The following CSMD1 variants were observed in gnomAD, a reference collection of about 807,000 sequenced individuals.
The protein encoded by CSMD1 is CUB and sushi domain-containing protein 1.
A neutral mutation model predicts 417.5 loss-of-function variants in CSMD1; 213 were observed. The ratio of observed to expected loss-of-function variants is 0.51; its 90% CI spans 0.46 to 0.57. The LOEUF is 0.57. CSMD1 is among the 20% of genes least tolerant of loss of function. The pLI is 0.00. For missense variants in CSMD1, 6,923 were observed against 4,529.7 expected (o/e 1.53, Z -15.17); for synonymous variants, 2,862 against 1,736.8 (o/e 1.65, Z -16.11).
chr8:3,865,369 C>T (rs1354907254), intron 5 of CSMD1, among the ~76,000 whole-genome samples: 2 of 152,150 alleles, frequency 1.3e-5, no homozygotes, highest in Non-Finnish European at 2.9e-5. Context: ...ACTGGGTTTG[C>T]AACTGAACAC....
At chr8:4,853,364 C>T (rs558838809) in intron 1 of CSMD1, among the ~76,000 whole-genome samples, 1 of 152,214 alleles carries the variant, frequency 6.6e-6, no homozygotes, top group African/African-American at 2.4e-5. Flanking sequence ...ACTGCTCCAG[C>T]TCTATCCATG....
chr8:4,865,276 A>G (rs1473974227), intron 1 of CSMD1, among the ~76,000 whole-genome samples: 1 of 151,906 alleles, frequency 6.6e-6, no homozygotes, highest in Non-Finnish European at 1.5e-5. Flanking sequence ...ATCCTAAGAA[A>G]ATACTACATA....
chr8:4,174,593 G>A (rs891704940), intron 3 of CSMD1, among the ~76,000 whole-genome samples: 1 of 149,958 alleles, frequency 6.7e-6, no homozygotes, highest in Non-Finnish European at 1.5e-5. Context: ...GATACACAAT[G>A]TCTGAAGCCT....
chr8:3,560,020 T>A (rs1405428362), intron 10 of CSMD1, among the ~76,000 whole-genome samples: 1 of 152,054 alleles, frequency 6.6e-6, no homozygotes, highest in Non-Finnish European at 1.5e-5. Context: ...CGTAAGGGAT[T>A]TAGTGTGGAG....
chr8:4,579,119 G>A (rs1340346757), intron 2 of CSMD1, among the ~76,000 whole-genome samples: 7 of 151,862 alleles, frequency 4.6e-5, no homozygotes, highest in Admixed American at 6.6e-5. Flanking sequence ...AAAACATGCA[G>A]GAAGAGCAGT....
At chr8:3,888,419 T>A (rs1443971067) in intron 5 of CSMD1, among the ~76,000 whole-genome samples, 2 of 152,214 alleles carry the variant, frequency 1.3e-5, no homozygotes, top group Admixed American at 6.5e-5. Context: ...AACCTTTTTT[T>A]ACCTTAATGC....
chr8:4,297,772 G>T lies in CSMD1; in HGVS notation c.415+122181C>A, dbSNP rs147622888. 2.6e-3 allele frequency among the ~76,000 whole-genome samples: 396 copies of T among 152,262 alleles called. 2 individuals are homozygous for T. Among genetic ancestry groups the T allele is most frequent in the African/African-American group, 9.3e-3 (385 of 41,540 alleles). On this transcript the variant is annotated intron_variant, in intron 3 of 69. Transcript: ENST00000635120. Reference sequence around the variant, plus strand: ...ACGATTAAGAACCAACATCCTGTGAGAGGTGATACATTTCAAAAGGATTTT... The same window carrying T: ...ACGATTAAGAACCAACATCCTGTGATAGGTGATACATTTCAAAAGGATTTT...
intron 23 of CSMD1, among the ~76,000 whole-genome samples, chr8:3,318,691 G>A (rs1021354719): frequency 1.3e-5 from 2 of 152,168 alleles, no homozygotes; most frequent in African/African-American, 4.8e-5. Flanking sequence ...GAGTAAGAAA[G>A]CATTTGCTTT....
At chr8:4,457,875 T>C (rs925484454) in intron 2 of CSMD1, among the ~76,000 whole-genome samples, 2 of 152,106 alleles carry the variant, frequency 1.3e-5, no homozygotes, top group African/African-American at 4.8e-5. Context: ...CTGGGACAGC[T>C]TGATGCAGCA....
At chr8:3,015,533 C>T (rs761342449) in intron 52 of CSMD1, among the ~76,000 whole-genome samples, 24 of 151,818 alleles carry the variant, frequency 1.6e-4, no homozygotes, top group Non-Finnish European at 3.1e-4. Flanking sequence ...CTGAATAGTA[C>T]TTATGAATAC....
chr8:4,420,994 T>C (rs1474966951), intron 2 of CSMD1, among the ~76,000 whole-genome samples: 1 of 152,178 alleles, frequency 6.6e-6, no homozygotes, highest in Non-Finnish European at 1.5e-5. Context: ...TTCATCTTTG[T>C]AAACTGCAGT....
At chr8:4,529,884 TTAAATTTA>T (rs1563260005) in intron 2 of CSMD1, among the ~76,000 whole-genome samples, 2 of 136,212 alleles carry the variant, frequency 1.5e-5, no homozygotes, top group Non-Finnish European at 3.1e-5. Flanking sequence ...TTTTTTTTTT[TTAAATTTA>T]TTTAATTTTT....
intron 3 of CSMD1, among the ~76,000 whole-genome samples, chr8:4,047,268 C>A (rs1290454545): frequency 6.6e-6 from 1 of 152,006 alleles, no homozygotes; most frequent in Non-Finnish European, 1.5e-5. Context: ...CACATGTATT[C>A]TGGAGTGGGA....
At chr8:4,894,408 C>T (rs1804337199) in intron 1 of CSMD1, among the ~76,000 whole-genome samples, 1 of 151,694 alleles carries the variant, frequency 6.6e-6, no homozygotes, top group Admixed American at 6.6e-5. Flanking sequence ...TCTTTCTCTG[C>T]CCATTTCAGG....
intron 3 of CSMD1, among the ~76,000 whole-genome samples, chr8:4,054,670 T>C (rs1005330868): frequency 4.6e-5 from 7 of 152,104 alleles, no homozygotes; most frequent in African/African-American, 1.4e-4. Flanking sequence ...CAGTGTCTCA[T>C]AGGACATTAG....
intron 4 of CSMD1, among the ~76,000 whole-genome samples, chr8:4,007,610 G>C (rs907983958): frequency 6.6e-6 from 1 of 152,142 alleles, no homozygotes; most frequent in East Asian, 1.9e-4. Context: ...CAAGCTTTAT[G>C]AGCCTGTTCT....
chr8:2,990,079 A>C (rs1563211689), intron 54 of CSMD1, among the ~76,000 whole-genome samples: 1 of 152,226 alleles, frequency 6.6e-6, no homozygotes, highest in Non-Finnish European at 1.5e-5. Context: ...TGTGGAGGTA[A>C]CTGGGACAAC....
chr8:3,698,817 G>C (rs1443910087), intron 7 of CSMD1, among the ~76,000 whole-genome samples: 1 of 152,234 alleles, frequency 6.6e-6, no homozygotes, highest in Non-Finnish European at 1.5e-5. Flanking sequence ...ATTATGGCCT[G>C]ATGAAAATGT....
intron 12 of CSMD1, among the ~76,000 whole-genome samples, chr8:3,438,779 GT>G (rs1194727158): frequency 2.0e-5 from 3 of 152,068 alleles, no homozygotes; most frequent in Non-Finnish European, 4.4e-5. Flanking sequence ...ATGATTGGAA[GT>G]GCAATTGTCG....
Sources: allele counts gnomAD v4.1 joint callset (sites outside exome capture counted in the v4.1 genomes callset), GRCh38; gene constraint gnomAD v4.1.1; transcripts MANE v1.5; gene names NCBI Gene and HGNC (gene_info 2026-07-23, HGNC 2026-07-21).